The following SGCZ variants were observed in gnomAD, a reference collection of about 807,000 sequenced individuals.
The protein encoded by SGCZ is sarcoglycan zeta.
In SGCZ, 40 loss-of-function variants were observed where a neutral mutation model predicts 41.3. The observed-to-expected ratio is 0.97, with a 90% confidence interval of 0.75 to 1.26. SGCZ has a LOEUF of 1.26. SGCZ is among the 50% of genes most tolerant of loss of function. The probability of loss-of-function intolerance (pLI) is 0.00; values close to 1 mark genes in which losing one functional copy is unlikely to be tolerated. For synonymous variants in SGCZ, 206 were observed against 137.5 expected (o/e 1.50, Z -3.49); for missense variants, 552 against 369.8 (o/e 1.49, Z -4.04).
intron 2 of SGCZ, among the ~76,000 whole-genome samples, chr8:14,464,702 C>T (rs1280470249): frequency 1.3e-5 from 2 of 151,240 alleles, no homozygotes; most frequent in Non-Finnish European, 3.0e-5. Context: ...TGACTTGAAA[C>T]ATATTTTGTC....
intron 1 of SGCZ, among the ~76,000 whole-genome samples, chr8:15,093,819 T>C (rs1174118351): frequency 6.6e-6 from 1 of 152,206 alleles, no homozygotes; most frequent in African/African-American, 2.4e-5. Flanking sequence ...AATCGGACCA[T>C]TAAACAATCT....
At chr8:14,265,334 T>G (rs965711097) in intron 3 of SGCZ, among the ~76,000 whole-genome samples, 29 of 152,318 alleles carry the variant, frequency 1.9e-4, no homozygotes, top group African/African-American at 7.0e-4. Flanking sequence ...AAAGACGTCA[T>G]TTTCTTTATA....
intron 2 of SGCZ, among the ~76,000 whole-genome samples, chr8:14,425,991 TATTAATTAAC>T (rs1007543879): frequency 2.6e-5 from 4 of 152,178 alleles, no homozygotes; most frequent in East Asian, 1.9e-4. Flanking sequence ...TGTACCTAAA[TATTAATTAAC>T]ATTAATTAAC....
At chr8:14,494,303 G>C (rs1214068352) in intron 2 of SGCZ, among the ~76,000 whole-genome samples, 1 of 152,118 alleles carries the variant, frequency 6.6e-6, no homozygotes, top group East Asian at 1.9e-4. Flanking sequence ...ACACAAAATA[G>C]GGAGCACTTG....
At chr8:14,792,748 A>C (rs1800996348) in intron 1 of SGCZ, among the ~76,000 whole-genome samples, 1 of 151,780 alleles carries the variant, frequency 6.6e-6, no homozygotes, top group Admixed American at 6.6e-5. Context: ...TAAGCACCTA[A>C]AGGTCCAGGG....
chr8:14,860,087 AC>A (rs144332351), intron 1 of SGCZ, among the ~76,000 whole-genome samples: 18,060 of 152,144 alleles, frequency 0.12, 1,384 homozygotes, highest in Non-Finnish European at 0.16. Flanking sequence ...AGAAACAGAA[AC>A]TAGAAAACAT....
intron 3 of SGCZ, among the ~76,000 whole-genome samples, chr8:14,302,367 A>T (rs1207688036): frequency 6.6e-6 from 1 of 152,172 alleles, no homozygotes; most frequent in Non-Finnish European, 1.5e-5. Flanking sequence ...TATTAAATCA[A>T]GTGTATTTTA....
intron 1 of SGCZ, among the ~76,000 whole-genome samples, chr8:15,002,883 G>T (rs1476922467): frequency 6.6e-6 from 1 of 152,108 alleles, no homozygotes; most frequent in Non-Finnish European, 1.5e-5. Flanking sequence ...GAGGGACCCT[G>T]GGGGAGGTAA....
chr8:14,321,665 T>A (rs985979879), intron 3 of SGCZ, among the ~76,000 whole-genome samples: 1 of 152,232 alleles, frequency 6.6e-6, no homozygotes, highest in Admixed American at 6.6e-5. Context: ...TCAAAATTAT[T>A]CTACCCAGCA....
chr8:14,594,316 T>C (rs955689407), intron 1 of SGCZ, among the ~76,000 whole-genome samples: 5 of 152,030 alleles, frequency 3.3e-5, no homozygotes, highest in African/African-American at 9.7e-5. Flanking sequence ...TTGGGGATGA[T>C]GTTGATGCTA....
At chr8:14,474,128 G>A (rs560805105) in intron 2 of SGCZ, among the ~76,000 whole-genome samples, 9 of 152,134 alleles carry the variant, frequency 5.9e-5, no homozygotes, top group African/African-American at 2.2e-4. Context: ...GCCTGCAACT[G>A]GGAAGAGTGA....
chr8:14,386,580 T>C (rs1804586589), intron 2 of SGCZ, among the ~76,000 whole-genome samples: 1 of 152,200 alleles, frequency 6.6e-6, no homozygotes, highest in African/African-American at 2.4e-5. Flanking sequence ...AAGTGGTTTG[T>C]AACTCAACTT....
intron 1 of SGCZ, among the ~76,000 whole-genome samples, chr8:14,847,470 T>C (rs1235143016): frequency 6.6e-6 from 1 of 151,364 alleles, no homozygotes; most frequent in Non-Finnish European, 1.5e-5. Flanking sequence ...TGACTAAAAA[T>C]TCTCAAGTGA....
chr8:14,893,989 A>C (rs1353473525), intron 1 of SGCZ, among the ~76,000 whole-genome samples: 1 of 152,190 alleles, frequency 6.6e-6, no homozygotes, highest in Admixed American at 6.6e-5. Flanking sequence ...CCAGGGCAGA[A>C]GTGATATCTA....
intron 3 of SGCZ, among the ~76,000 whole-genome samples, chr8:14,283,644 T>A (rs1451035915): frequency 6.6e-6 from 1 of 152,200 alleles, no homozygotes; most frequent in Non-Finnish European, 1.5e-5. Context: ...GTTATAATTC[T>A]CAAATTCAAG....
intron 2 of SGCZ, among the ~76,000 whole-genome samples, chr8:14,422,716 G>C (rs888836505): frequency 2.6e-5 from 4 of 152,272 alleles, no homozygotes; most frequent in African/African-American, 7.2e-5. Flanking sequence ...GACAAGTCTA[G>C]AATAATTTCA....
chr8:14,242,766 T>C (rs1463499108), intron 3 of SGCZ, among the ~76,000 whole-genome samples: 1 of 152,190 alleles, frequency 6.6e-6, no homozygotes, highest in Non-Finnish European at 1.5e-5. Flanking sequence ...CAAGCCATGT[T>C]GGAACTCCAT....
At chr8:14,122,258 G>A (rs915624845) in intron 5 of SGCZ, among the ~76,000 whole-genome samples, 1 of 152,248 alleles carries the variant, frequency 6.6e-6, no homozygotes, top group African/African-American at 2.4e-5. Context: ...CAGCCTGGGA[G>A]ACAGAGCAAG....
intron 1 of SGCZ, among the ~76,000 whole-genome samples, chr8:14,653,836 T>C (rs913758203): frequency 3.3e-5 from 5 of 152,142 alleles, no homozygotes; most frequent in African/African-American, 1.2e-4. Context: ...GTCTCAAAAA[T>C]GTTAGATTTT....
Sources: gnomAD v4.1 joint callset for allele counts (sites outside exome capture counted in the v4.1 genomes callset) on GRCh38, gnomAD v4.1.1 for gene constraint, MANE v1.5 for transcripts, NCBI Gene and HGNC (gene_info 2026-07-23, HGNC 2026-07-21) for gene names.